Variants in ACSS2 observed in about 807,000 individuals in gnomAD.
The protein encoded by ACSS2 is acetyl-coenzyme A synthetase, cytoplasmic.
A neutral mutation model predicts 90.6 loss-of-function variants in ACSS2; 58 were observed. The observed-to-expected ratio is 0.64, with a 90% CI of 0.52 to 0.80. The LOEUF (loss-of-function observed/expected upper bound fraction) is 0.80, where lower values mean the gene tolerates loss of function less well. Ranked by LOEUF, ACSS2 falls within the 30% of genes least tolerant of loss-of-function variation. The probability of loss-of-function intolerance (pLI) is 0.00; values close to 1 mark genes in which losing one functional copy is unlikely to be tolerated. For missense variants in ACSS2, 759 were observed against 912.0 expected (o/e 0.83, Z 2.16); for synonymous variants, 300 against 330.9 (o/e 0.91, Z 1.01).
At chr20:34,898,892 C>T (rs2080545525) in intron 2 of ACSS2, among the ~76,000 whole-genome samples, 2 of 143,916 alleles carry the variant, frequency 1.4e-5, no homozygotes, top group African/African-American at 5.1e-5. Flanking sequence ...CAGGAGCCCA[C>T]GGTGGGGGTG....
At chr20:34,919,660 T>G in intron 8 of ACSS2, 88 bp downstream of exon 8, 10 of 1,474,416 alleles carry the variant, frequency 6.8e-6, no homozygotes, top group Non-Finnish European at 8.1e-6. Context: ...AGGAAACAAG[T>G]AATGAAATTA....
chr20:34,899,043 CG>C, intron 2 of ACSS2, among the ~76,000 whole-genome samples: 1 of 152,356 alleles, frequency 6.6e-6, no homozygotes, highest in South Asian at 2.1e-4. Flanking sequence ...GCTGCTGGCC[CG>C]GGTGCTAAGC....
At chr20:34,921,888 G>A in intron 13 of ACSS2, 22 bp downstream of exon 13, 1 of 1,601,720 alleles carries the variant, frequency 6.2e-7, no homozygotes, top group Non-Finnish European at 8.5e-7. Flanking sequence ...GCCCTTGGGA[G>A]TCTTTAAGGA....
At chr20:34,912,442 C>A (rs3787214) in intron 2 of ACSS2, 86,909 of 158,604 alleles carry the variant, frequency 0.55, 24,541 homozygotes, top group South Asian at 0.72. Flanking sequence ...CACACCACCA[C>A]ACCCAGCTAA....
intron 2 of ACSS2, among the ~76,000 whole-genome samples, chr20:34,899,695 G>A (rs897144747): frequency 4.6e-5 from 7 of 151,858 alleles, no homozygotes; most frequent in Middle Eastern, 3.4e-3. Context: ...CACCATGTTG[G>A]CCAGGCTGGT....
chr20:34,915,764 A>C (rs973229846), intron 7 of ACSS2, among the ~76,000 whole-genome samples: 2 of 152,230 alleles, frequency 1.3e-5, no homozygotes, highest in African/African-American at 4.8e-5. Flanking sequence ...ATAACTTTGT[A>C]ATATGATTAA....
At chr20:34,898,684 C>G (rs1321937171) in intron 2 of ACSS2, among the ~76,000 whole-genome samples, 1 of 152,242 alleles carries the variant, frequency 6.6e-6, no homozygotes, top group African/African-American at 2.4e-5. Flanking sequence ...AATCCCTTAG[C>G]TAGACTTAGA....
In ACSS2 at chr20:34,913,822, A is replaced by G; in HGVS notation, c.640A>G (p.Thr214Ala). 2.5e-6 allele frequency: 4 copies of G among 1,613,688 alleles called. No homozygotes were observed. The highest frequency in any genetic ancestry group is 2.5e-6 in the Non-Finnish European group (3 of 1,179,754). Residue 214 changes from threonine (T) to alanine (A), a missense_variant, in exon 5 of 18, where the codon ACA becomes GCA. Thr to Ala is a moderately conservative substitution (Grantham distance 58). Transcript: ENST00000360596. The part of the protein sequence containing the change: ...LDSSCSLLIT[T>A]DAFYRGEKLV... The stretch of plus-strand genomic sequence containing the variant: ...TTCCAGCTGCAGTCTTCTCATCACT[A>G]CAGGTGACTAATTCTCTCACCTCTT...
In ACSS2 at chr20:34,881,280, G is replaced by A. The variant is rs541070945; in HGVS notation, c.179-1514G>A. 2.0e-5 allele frequency among the ~76,000 whole-genome samples: 3 copies of A among 150,396 alleles called. No homozygotes were observed. The East Asian group carries it at 5.9e-4, about 29-fold the overall frequency. ...TCGAACTCCTGATTTCAGGTGATCC[G>A]CCCGCCTTGGCCTCCCAAAGTGCTA... is the stretch of plus-strand genomic sequence containing the variant. On this transcript the variant is annotated intron_variant, in intron 1 of 17. Transcript: ENST00000360596.
intron 2 of ACSS2, among the ~76,000 whole-genome samples, chr20:34,908,020 T>A (rs1447534138): frequency 6.6e-6 from 1 of 152,356 alleles, no homozygotes; most frequent in African/African-American, 2.4e-5. Flanking sequence ...GAGCATCTAT[T>A]CTTGGCTCTG....
Position 34,927,015 on chromosome 20 carries a change from G to T in ACSS2, c.1978+64G>T. 6 of 1,613,928 alleles carry T rather than the reference G, an allele frequency of 3.7e-6. No individual in the cohort carries two copies. Among genetic ancestry groups the T allele is most frequent in the Non-Finnish European group, 5.1e-6 (6 of 1,179,834 alleles). ...GCCTGGTGGTGGTGGGGTGTGCGTG[G>T]ATGAAAGCCTTTGGCAGGGCTAGGG... is the stretch of plus-strand genomic sequence containing the variant. On this transcript the variant is annotated intron_variant, in intron 17 of 17. Transcript: ENST00000360596. This position sits in a 1 kb window ranked among gnomAD's most constrained non-coding sequence, Gnocchi z 4.2.
At position 34,921,088 on chromosome 20, in the gene ACSS2, C is replaced by T; in HGVS notation, c.1226C>T (p.Ala409Val). 6.2e-6 allele frequency: 10 copies of T among 1,614,182 alleles called. No individual in the cohort carries two copies. The highest frequency in any genetic ancestry group is 8.5e-6 in the Non-Finnish European group (10 of 1,180,022). The change falls in exon 10 of 18, where the codon GCA becomes GTA. Residue 409 changes from alanine (A) to valine (V), a missense_variant. Physicochemically the swap from Ala to Val is moderately conservative, Grantham distance 64 (BLOSUM62 0). Transcript: ENST00000360596. ...DKYKVTKFYT[A>V]PTAIRLLMKF... ...TACAAGGTGACCAAGTTCTACACAG[C>T]ACCCACAGCCATCCGTCTGCTCATG...
At chr20:34,916,099 A>G (rs964604906) in intron 7 of ACSS2, among the ~76,000 whole-genome samples, 2 of 152,240 alleles carry the variant, frequency 1.3e-5, no homozygotes, top group Non-Finnish European at 2.9e-5. Context: ...GGCCAATGGT[A>G]GATATAAGCC....
At chr20:34,913,954 C>A in intron 5 of ACSS2, 129 bp downstream of exon 5, 1 of 1,353,210 alleles carries the variant, frequency 7.4e-7, no homozygotes, top group Non-Finnish European at 1.1e-6. Flanking sequence ...CTCCTGGTCC[C>A]ACCTCAGCTG....
intron 2 of ACSS2, among the ~76,000 whole-genome samples, chr20:34,897,636 C>G (rs1020466863): frequency 2.6e-5 from 4 of 152,096 alleles, no homozygotes; most frequent in Admixed American, 2.6e-4. Context: ...TGAGACCAGC[C>G]TGGCCAACAT....
chr20:34,876,611 C>A (rs757129075), upstream of ACSS2: 3 of 1,299,042 alleles, frequency 2.3e-6, no homozygotes, highest in Non-Finnish European at 3.0e-6. Context: ...CCGCCGCGAC[C>A]GCAAAGGCGG....
intron 8 of ACSS2, 119 bp downstream of exon 8, chr20:34,919,691 G>C (rs747804836): frequency 3.6e-6 from 5 of 1,392,930 alleles, no homozygotes; most frequent in Non-Finnish European, 4.8e-6. Context: ...ACAACCCTGA[G>C]TTTTGGAAAT....
At chr20:34,911,220 T>G (rs1012096517) in intron 2 of ACSS2, among the ~76,000 whole-genome samples, 2 of 146,402 alleles carry the variant, frequency 1.4e-5, no homozygotes, top group Non-Finnish European at 3.0e-5. Context: ...AGAGTTTCAT[T>G]CTTGTTGCCC....
At chr20:34,891,148 A>G (rs2080325655) in intron 2 of ACSS2, among the ~76,000 whole-genome samples, 1 of 152,164 alleles carries the variant, frequency 6.6e-6, no homozygotes, top group Non-Finnish European at 1.5e-5. Flanking sequence ...CTTCTCAAAT[A>G]CACACACTAC....
Sources: allele counts gnomAD v4.1 joint callset (sites outside exome capture counted in the v4.1 genomes callset), GRCh38; gene constraint gnomAD v4.1.1; non-coding constraint Gnocchi (gnomAD v3.1); transcripts MANE v1.5; gene names NCBI Gene and HGNC (gene_info 2026-07-23, HGNC 2026-07-21).